CSMD1: variants seen among roughly 807,000 people sequenced by gnomAD.
CSMD1 encodes CUB and sushi domain-containing protein 1.
In CSMD1, 213 loss-of-function variants were observed where a neutral mutation model predicts 417.5. That is an observed-to-expected ratio of 0.51 (90% CI 0.46 to 0.57). The LOEUF (loss-of-function observed/expected upper bound fraction) is 0.57, where lower values mean the gene tolerates loss of function less well. Ranked by LOEUF, CSMD1 falls within the 20% of genes least tolerant of loss-of-function variation. CSMD1 has a pLI of 0.00. For synonymous variants in CSMD1, 2,862 were observed against 1,736.8 expected, an observed-to-expected ratio of 1.65 and a Z score of -16.11; for missense variants, 6,923 against 4,529.7, an observed-to-expected ratio of 1.53 and a Z score of -15.17.
At chr8:3,993,411 T>G (rs935680880) in intron 5 of CSMD1, among the ~76,000 whole-genome samples, 17 of 152,202 alleles carry the variant, frequency 1.1e-4, no homozygotes, top group African/African-American at 3.1e-4. Flanking sequence ...AGTGACAAGT[T>G]GGGTAAACAC....
intron 3 of CSMD1, among the ~76,000 whole-genome samples, chr8:4,101,324 G>A (rs1484797297): frequency 1.3e-5 from 2 of 152,188 alleles, no homozygotes; most frequent in South Asian, 2.1e-4. Flanking sequence ...AGCTGTGGAA[G>A]GAAAGACAGT....
At chr8:3,883,625 AT>A (rs1207864533) in intron 5 of CSMD1, among the ~76,000 whole-genome samples, 1 of 152,156 alleles carries the variant, frequency 6.6e-6, no homozygotes, top group African/African-American at 2.4e-5. Flanking sequence ...ATTAATATCA[AT>A]TATTAAAATT....
chr8:4,323,349 A>C (rs1799376709), intron 3 of CSMD1, among the ~76,000 whole-genome samples: 1 of 152,144 alleles, frequency 6.6e-6, no homozygotes, highest in Admixed American at 6.5e-5. Context: ...GAAAAGTGAG[A>C]AATATAAACT....
At position 3,020,495 on chromosome 8, in the gene CSMD1, A is replaced by C. The variant is rs140724632; in HGVS notation, c.7856-1845T>G. Among the ~76,000 whole-genome samples the C allele has an allele frequency of 2.6e-3, 395 of 152,068 alleles. 4 individuals are homozygous for C. Among genetic ancestry groups the C allele is most frequent in the Middle Eastern group, 3.4e-3 (1 of 292 alleles). On this transcript the variant is annotated intron_variant, in intron 51 of 69. Coordinates refer to ENST00000635120, the MANE Select transcript of CSMD1 (RefSeq NM_033225.6). ...AGACATCCTTCTGCTCAGCCTCCCAAGTACCTTAGTGCATGGGCACCACCA... is the reference window on the plus strand; with the variant it reads ...AGACATCCTTCTGCTCAGCCTCCCACGTACCTTAGTGCATGGGCACCACCA...
At chr8:3,532,561 C>CA (rs1798026929) in intron 10 of CSMD1, among the ~76,000 whole-genome samples, 1 of 152,098 alleles carries the variant, frequency 6.6e-6, no homozygotes, top group Non-Finnish European at 1.5e-5. Flanking sequence ...GACGTAGGTT[C>CA]AACACAGGAT....
At chr8:4,099,536 TG>T (rs1801197877) in intron 3 of CSMD1, among the ~76,000 whole-genome samples, 1 of 152,128 alleles carries the variant, frequency 6.6e-6, no homozygotes, top group Non-Finnish European at 1.5e-5. Context: ...TGAGCACCTT[TG>T]TGAACAAACT....
chr8:3,468,505 T>A (rs1419341758), intron 12 of CSMD1, among the ~76,000 whole-genome samples: 1 of 152,166 alleles, frequency 6.6e-6, no homozygotes, highest in African/African-American at 2.4e-5. Flanking sequence ...TCAGAGCACA[T>A]ATCATGGCAA....
chr8:3,714,033 TAGA>T (rs1801677227), intron 6 of CSMD1, among the ~76,000 whole-genome samples: 1 of 148,568 alleles, frequency 6.7e-6, no homozygotes, highest in East Asian at 1.9e-4. Context: ...TGCAGATAGA[TAGA>T]TAGATAGATA....
chr8:4,325,314 G>A (rs1383713271), intron 3 of CSMD1, among the ~76,000 whole-genome samples: 2 of 152,170 alleles, frequency 1.3e-5, no homozygotes, highest in East Asian at 1.9e-4. Context: ...AACCTAGCAA[G>A]AAACCAGTAG....
chr8:3,159,812 A>G (rs548776805), intron 38 of CSMD1, among the ~76,000 whole-genome samples: 35 of 152,310 alleles, frequency 2.3e-4, no homozygotes, highest in African/African-American at 7.9e-4. Context: ...CATATTCAAT[A>G]ATCCATTATA....
chr8:4,175,465 G>C (rs543397812), intron 3 of CSMD1, among the ~76,000 whole-genome samples: 1 of 151,762 alleles, frequency 6.6e-6, no homozygotes, highest in East Asian at 1.9e-4. Flanking sequence ...GATAGCAAAA[G>C]CATCCAAAAT....
At chr8:4,802,488 A>G (rs1798355537) in intron 1 of CSMD1, among the ~76,000 whole-genome samples, 1 of 150,948 alleles carries the variant, frequency 6.6e-6, no homozygotes, top group South Asian at 2.1e-4. Context: ...CAAACAATAA[A>G]AACAAGACAC....
chr8:4,320,773 T>C (rs567184202), intron 3 of CSMD1, among the ~76,000 whole-genome samples: 1 of 152,184 alleles, frequency 6.6e-6, no homozygotes, highest in Non-Finnish European at 1.5e-5. Flanking sequence ...GGCATTTGGA[T>C]TGGTGATTCC....
intron 5 of CSMD1, among the ~76,000 whole-genome samples, chr8:3,846,635 T>C (rs1182964767): frequency 1.3e-5 from 2 of 152,218 alleles, no homozygotes; most frequent in Admixed American, 1.3e-4. Flanking sequence ...ACTCACCTTA[T>C]TTCTTTAGCC....
intron 3 of CSMD1, among the ~76,000 whole-genome samples, chr8:4,182,371 A>T (rs899967567): frequency 1.3e-5 from 2 of 152,128 alleles, no homozygotes; most frequent in African/African-American, 4.8e-5. Context: ...TACCCAAAGT[A>T]TATTATCTTT....
chr8:4,975,275 G>C (rs999506537), intron 1 of CSMD1, among the ~76,000 whole-genome samples: 3 of 152,146 alleles, frequency 2.0e-5, no homozygotes, highest in African/African-American at 7.2e-5. Context: ...GCTTATTAAA[G>C]AGAATATCTG....
At chr8:3,405,080 A>G (rs1281503228) in intron 15 of CSMD1, among the ~76,000 whole-genome samples, 5 of 152,188 alleles carry the variant, frequency 3.3e-5, no homozygotes, top group Admixed American at 2.0e-4. Context: ...TATATAATCA[A>G]TAGTATGATT....
At chr8:4,224,027 T>C (rs924737658) in intron 3 of CSMD1, among the ~76,000 whole-genome samples, 2 of 152,110 alleles carry the variant, frequency 1.3e-5, no homozygotes, top group Admixed American at 6.6e-5. Context: ...GGGTACGTTA[T>C]TTTAACAAAA....
intron 2 of CSMD1, among the ~76,000 whole-genome samples, chr8:4,535,030 G>C (rs942928957): frequency 3.3e-5 from 5 of 152,152 alleles, no homozygotes; most frequent in Admixed American, 1.3e-4. Context: ...CAAAGTGCTG[G>C]GATTACAGGC....
Sources: allele counts gnomAD v4.1 joint callset (sites outside exome capture counted in the v4.1 genomes callset), GRCh38; gene constraint gnomAD v4.1.1; transcripts MANE v1.5; gene names NCBI Gene and HGNC (gene_info 2026-07-23, HGNC 2026-07-21).